LRRC4C: variants seen among roughly 807,000 people sequenced by gnomAD.
The protein encoded by LRRC4C is leucine-rich repeat-containing protein 4C.
In LRRC4C, 5 loss-of-function variants were observed where a neutral mutation model predicts 33.6. The ratio of observed to expected loss-of-function variants is 0.15; its 90% CI spans 0.08 to 0.31. LRRC4C has a LOEUF of 0.31. Ranked by LOEUF, LRRC4C falls within the 10% of genes least tolerant of loss-of-function variation. The probability of loss-of-function intolerance (pLI) is 1.00; values close to 1 mark genes in which losing one functional copy is unlikely to be tolerated. For missense variants in LRRC4C, 560 were observed against 796.7 expected (o/e 0.70, Z 3.58); for synonymous variants, 329 against 302.0 (o/e 1.09, Z -0.93).
intron 1 of LRRC4C, among the ~76,000 whole-genome samples, chr11:41,037,486 G>C (rs1158464859): frequency 1.3e-5 from 2 of 151,924 alleles, no homozygotes; most frequent in East Asian, 3.9e-4. Context: ...TTACAGGTGT[G>C]AGCCACTGTG....
intron 5 of LRRC4C, among the ~76,000 whole-genome samples, chr11:40,182,676 C>T (rs1174931858): frequency 2.0e-5 from 3 of 152,170 alleles, no homozygotes; most frequent in Non-Finnish European, 2.9e-5. Flanking sequence ...TGAATACACA[C>T]AAAAACCTAC....
Position 41,308,455 on chromosome 11 carries a change from C to T in LRRC4C, c.-496+150976G>A, listed in dbSNP as rs561772361. Among the ~76,000 whole-genome samples, 18 of 152,152 alleles carry T rather than the reference C, an allele frequency of 1.2e-4. No individual in the cohort carries two copies. In the East Asian group the frequency reaches 2.3e-3, roughly 20 times the overall value. On this transcript the variant is annotated intron_variant, in intron 1 of 6. Transcript: ENST00000528697. The stretch of plus-strand genomic sequence containing the variant: ...TGGCCTGATCCTGTGCTGTGTCCAC[C>T]GCCAAGGTGTTTTTGTCATATCTGT...
chr11:40,354,130 G>C (rs1023574567), intron 3 of LRRC4C, among the ~76,000 whole-genome samples: 2 of 152,128 alleles, frequency 1.3e-5, no homozygotes, highest in Non-Finnish European at 2.9e-5. Context: ...TACCATATTG[G>C]TCATCTTCAA....
chr11:40,265,537 AC>A (rs1352000566), intron 4 of LRRC4C, among the ~76,000 whole-genome samples: 3 of 152,226 alleles, frequency 2.0e-5, no homozygotes, highest in African/African-American at 7.2e-5. Context: ...AACCAAAGTC[AC>A]AACCAATGAG....
At chr11:40,859,913 A>G (rs935024576) in intron 2 of LRRC4C, among the ~76,000 whole-genome samples, 2 of 151,980 alleles carry the variant, frequency 1.3e-5, no homozygotes, top group Non-Finnish European at 2.9e-5. Context: ...CATCTCTACT[A>G]AAAATACAAG....
chr11:40,210,857 C>T lies in LRRC4C; in HGVS notation c.-96+30662G>A, dbSNP rs900822540. On this transcript the variant is annotated intron_variant, in intron 5 of 6. Coordinates refer to ENST00000528697, the MANE Select transcript of LRRC4C (RefSeq NM_001258419.2). ...GCATCATCTCAGGTCACTGCAAGCT[C>T]CGCCTCCCGGGTTCAAGTGATTCTC... 3.9e-5 allele frequency among the ~76,000 whole-genome samples: 6 copies of T among 152,162 alleles called. No individual in the cohort carries two copies. The South Asian group carries it at 1.2e-3, about 32-fold the overall frequency.
intron 1 of LRRC4C, among the ~76,000 whole-genome samples, chr11:41,330,302 A>G (rs1951251598): frequency 6.6e-6 from 1 of 152,010 alleles, no homozygotes; most frequent in Admixed American, 6.6e-5. Flanking sequence ...TACTGTTGTG[A>G]GCACTATTTT....
intron 3 of LRRC4C, among the ~76,000 whole-genome samples, chr11:40,354,084 T>C (rs1263978247): frequency 6.6e-6 from 1 of 152,228 alleles, no homozygotes. Flanking sequence ...ACATCCTAAA[T>C]CCAGTAATTC....
At chr11:40,129,213 A>C (rs1410896057) in intron 6 of LRRC4C, among the ~76,000 whole-genome samples, 2 of 152,226 alleles carry the variant, frequency 1.3e-5, no homozygotes, top group African/African-American at 4.8e-5. Flanking sequence ...CCTAACACCT[A>C]GTAGAACCCC....
intron 1 of LRRC4C, among the ~76,000 whole-genome samples, chr11:41,053,071 C>A (rs981034257): frequency 3.3e-5 from 5 of 152,302 alleles, no homozygotes; most frequent in Non-Finnish European, 7.3e-5. Context: ...GCCATTGATT[C>A]CCATTTCATG....
chr11:40,866,598 T>C (rs1205068243), intron 2 of LRRC4C, among the ~76,000 whole-genome samples: 3 of 152,170 alleles, frequency 2.0e-5, no homozygotes, highest in South Asian at 4.1e-4. Context: ...GACAGTAGTG[T>C]GGGGGACTGT....
At chr11:41,256,440 T>C (rs1179949321) in intron 1 of LRRC4C, among the ~76,000 whole-genome samples, 1 of 151,956 alleles carries the variant, frequency 6.6e-6, no homozygotes, top group Non-Finnish European at 1.5e-5. Flanking sequence ...TCGTCAACCA[T>C]TCCAAACATC....
intron 3 of LRRC4C, among the ~76,000 whole-genome samples, chr11:40,365,481 C>T (rs1191670557): frequency 6.6e-6 from 1 of 151,944 alleles, no homozygotes; most frequent in African/African-American, 2.4e-5. Context: ...TTTTTTTACC[C>T]TGTGATACAT....
At chr11:40,495,868 C>T (rs944497992) in intron 3 of LRRC4C, among the ~76,000 whole-genome samples, 2 of 107,262 alleles carry the variant, frequency 1.9e-5, no homozygotes, top group East Asian at 2.8e-4. Context: ...CTCGCATTAT[C>T]GCCCAGGCTG....
intron 2 of LRRC4C, among the ~76,000 whole-genome samples, chr11:40,722,312 G>A (rs902470671): frequency 1.2e-4 from 19 of 152,250 alleles, no homozygotes; most frequent in African/African-American, 3.9e-4. Flanking sequence ...GAGAGAGCAC[G>A]GCTGCACATG....
At chr11:41,026,211 C>T (rs1396641665) in intron 1 of LRRC4C, among the ~76,000 whole-genome samples, 3 of 151,692 alleles carry the variant, frequency 2.0e-5, no homozygotes, top group South Asian at 4.2e-4. Context: ...TTCTAGATGC[C>T]GTTAAGAACA....
chr11:40,897,468 A>C (rs1565180243), intron 2 of LRRC4C, among the ~76,000 whole-genome samples: 1 of 152,162 alleles, frequency 6.6e-6, no homozygotes, highest in Non-Finnish European at 1.5e-5. Context: ...CATCAGATCA[A>C]ATGTTATCCC....
chr11:40,906,982 G>C (rs1232297101), intron 2 of LRRC4C, among the ~76,000 whole-genome samples: 1 of 152,170 alleles, frequency 6.6e-6, no homozygotes, highest in Non-Finnish European at 1.5e-5. Flanking sequence ...TGGCAATCCT[G>C]GTTAACGGAG....
intron 3 of LRRC4C, among the ~76,000 whole-genome samples, chr11:40,457,844 A>AT (rs1369915464): frequency 1.2e-4 from 19 of 152,176 alleles, no homozygotes; most frequent in African/African-American, 3.9e-4. Flanking sequence ...ATAGTATGAA[A>AT]TTTTTTATGT....
Sources: gnomAD v4.1 joint callset for allele counts (sites outside exome capture counted in the v4.1 genomes callset) on GRCh38, gnomAD v4.1.1 for gene constraint, MANE v1.5 for transcripts, NCBI Gene and HGNC (gene_info 2026-07-23, HGNC 2026-07-21) for gene names.